Variants in ANTXR2 observed in about 807,000 individuals in gnomAD.
The protein encoded by ANTXR2 is anthrax toxin receptor 2.
A neutral mutation model predicts 73.7 loss-of-function variants in ANTXR2; 44 were observed. The ratio of observed to expected loss-of-function variants is 0.60; its 90% confidence interval spans 0.47 to 0.77. The LOEUF (loss-of-function observed/expected upper bound fraction) is 0.77. ANTXR2 is among the 30% of genes least tolerant of loss of function. The probability of loss-of-function intolerance (pLI) is 0.00; values close to 1 mark genes in which losing one functional copy is unlikely to be tolerated. For missense variants in ANTXR2, 604 were observed against 592.5 expected (o/e 1.02, Z -0.20); for synonymous variants, 217 against 205.9 (o/e 1.05, Z -0.46).
At chr4:79,954,588 A>T (rs1463403623) in intron 16 of ANTXR2, among the ~76,000 whole-genome samples, 1 of 152,166 alleles carries the variant, frequency 6.6e-6, no homozygotes, top group Admixed American at 6.5e-5. Flanking sequence ...ACTCCAGCCC[A>T]GATGAGAGCA....
rs1726824269 is a variant in ANTXR2 at position 79,904,311 on chromosome 4, A to AATC, written c.*3115_*3117dup. Reference sequence around the variant, plus strand: ...TAAGCAAACTACTTCTTTCTCTAACAATCTGAAATACATGGGGGTTTAAAC... The same window carrying AATC: ...TAAGCAAACTACTTCTTTCTCTAACAATCATCTGAAATACATGGGGGTTTAAAC... On this transcript the variant is annotated 3_prime_UTR_variant, in exon 17 of 17. Coordinates refer to ENST00000403729, the MANE Select transcript of ANTXR2 (RefSeq NM_058172.6). 6.6e-6 allele frequency: 1 copy of AATC among 152,148 alleles called. No individual in the cohort carries two copies. Among genetic ancestry groups the AATC allele is most frequent in the South Asian group, 2.1e-4 (1 of 4,838 alleles). The allele number at this position is 152,148 out of a possible 1,614,324, so 9.4% of individuals were successfully genotyped here. A position where few individuals can be genotyped will look rare whatever the true frequency, so the allele number is the denominator to read the frequency against.
chr4:80,014,381 A>G (rs189827814), intron 11 of ANTXR2, among the ~76,000 whole-genome samples: 4 of 152,004 alleles, frequency 2.6e-5, no homozygotes, highest in African/African-American at 9.7e-5. Context: ...ATCCTGGCCA[A>G]CGTGGTGAAA....
chr4:79,984,941 C>T, intron 12 of ANTXR2, 78 bp from the exon 13 acceptor site: 1 of 1,155,416 alleles, frequency 8.7e-7, no homozygotes, highest in Non-Finnish European at 1.2e-6. Context: ...TAATTTGATA[C>T]ATAAAATACT....
intron 11 of ANTXR2, among the ~76,000 whole-genome samples, chr4:80,014,770 C>T (rs542994662): frequency 3.9e-5 from 6 of 152,218 alleles, no homozygotes; most frequent in South Asian, 2.1e-4. Context: ...TCTGTAGAAG[C>T]GGAGAAACCT....
intron 8 of ANTXR2, among the ~76,000 whole-genome samples, chr4:80,034,785 C>T (rs780337959): frequency 2.4e-4 from 36 of 152,258 alleles, no homozygotes; most frequent in Non-Finnish European, 4.0e-4. Flanking sequence ...TCCTCTAAAA[C>T]TTCTCATATC....
intron 16 of ANTXR2, among the ~76,000 whole-genome samples, chr4:79,973,578 C>A (rs1729516626): frequency 6.6e-6 from 1 of 152,064 alleles, no homozygotes; most frequent in Non-Finnish European, 1.5e-5. Flanking sequence ...CAGGTGTGCC[C>A]CACCACGCCT....
Position 80,072,491 on chromosome 4 carries a change from G to A in ANTXR2, c.70C>T (p.Leu24Phe). 2 of 1,608,920 alleles carry A rather than the reference G, an allele frequency of 1.2e-6. No homozygotes were observed. Among genetic ancestry groups the A allele is most frequent in the Non-Finnish European group, 8.5e-7 (1 of 1,178,164 alleles). ...CGCAGCAGCCCCCCGGGACCGCTGAGCACCAACAGCCACAGCCCGGGGAAC... is the reference window on the plus strand; with the variant it reads ...CGCAGCAGCCCCCCGGGACCGCTGAACACCAACAGCCACAGCCCGGGGAAC... ...WLFPGLWLLVLSGPGGLLRAQ... is the reference protein window; with the variant it reads ...WLFPGLWLLVFSGPGGLLRAQ... The change falls in exon 1 of 17, where the codon CTC becomes TTC. Residue 24 changes from leucine (L) to phenylalanine (F), a missense_variant. Coordinates refer to ENST00000403729, the MANE Select transcript of ANTXR2 (RefSeq NM_058172.6).
chr4:80,065,612 A>G (rs903659158), intron 3 of ANTXR2, among the ~76,000 whole-genome samples: 2 of 152,238 alleles, frequency 1.3e-5, no homozygotes, highest in Non-Finnish European at 2.9e-5. Context: ...TATAAAATGC[A>G]TAACATCATT....
intron 16 of ANTXR2, among the ~76,000 whole-genome samples, chr4:79,921,155 T>C (rs2109944447): frequency 6.6e-6 from 1 of 152,256 alleles, no homozygotes; most frequent in South Asian, 2.1e-4. Context: ...TAGCAAAAAG[T>C]TTACATGCAA....
Position 79,977,829 on chromosome 4 carries a change from T to C in ANTXR2, c.1348-128A>G, listed in dbSNP as rs999065322. 4.8e-6 allele frequency: 6 copies of C among 1,242,886 alleles called. No homozygotes were observed. In the African/African-American group the frequency reaches 6.2e-5, roughly 13 times the overall value. 77.0% of individuals were successfully genotyped at this position (1,242,886 alleles called of 1,614,324 possible). A position where few individuals can be genotyped will look rare whatever the true frequency, so the allele number is the denominator to read the frequency against. ...TCATTTCTTTCATAAGGTAAACTAA[T>C]AAGTAATAAAAACCTAGAGGTTCTT... is the stretch of plus-strand genomic sequence containing the variant. On this transcript the variant is annotated intron_variant, in intron 15 of 16. Transcript: ENST00000403729.
intron 16 of ANTXR2, among the ~76,000 whole-genome samples, chr4:79,946,188 C>T (rs1019738268): frequency 1.3e-5 from 2 of 151,978 alleles, no homozygotes; most frequent in Non-Finnish European, 2.9e-5. Context: ...TGAAAATTTG[C>T]TTCAAGGCAC....
rs147055969 is a variant in ANTXR2 at position 79,987,163 on chromosome 4, T to A, written c.1042-2300A>T. On this transcript the variant is annotated intron_variant, in intron 12 of 16. Coordinates refer to ENST00000403729, the MANE Select transcript of ANTXR2 (RefSeq NM_058172.6). ...AATGTCTGAAATGACAGACACAGAA[T>A]CAGAATCTGGATGGCGGAGAAGCCC... Among the ~76,000 whole-genome samples the A allele has an allele frequency of 4.2e-4, 64 of 150,818 alleles. No homozygotes were observed. In the East Asian group the frequency reaches 0.011, roughly 27 times the overall value.
At chr4:80,035,719 G>A (rs949131449) in intron 8 of ANTXR2, among the ~76,000 whole-genome samples, 28 of 152,084 alleles carry the variant, frequency 1.8e-4, no homozygotes, top group South Asian at 4.2e-4. Flanking sequence ...GGTCTCAAGC[G>A]TGAACTAAAT....
At chr4:79,926,005 C>G (rs1727766545) in intron 16 of ANTXR2, among the ~76,000 whole-genome samples, 1 of 151,990 alleles carries the variant, frequency 6.6e-6, no homozygotes, top group Admixed American at 6.6e-5. Flanking sequence ...TGAGTGTATC[C>G]TTAAACAATG....
In ANTXR2 at chr4:80,072,473, G is replaced by GC. The variant is rs748892926; in HGVS notation, c.87dup (p.Leu30AlafsTer15). On this transcript the variant is annotated frameshift_variant, in exon 1 of 17. Coordinates refer to ENST00000403729, the MANE Select transcript of ANTXR2 (RefSeq NM_058172.6). LOFTEE classifies it high-confidence loss of function. ...GAGGGCTGCTCCTGGGCGCGCAGCA[G>GC]CCCCCCGGGACCGCTGAGCACCAAC... 10 of 1,610,340 alleles carry GC rather than the reference G, an allele frequency of 6.2e-6. No individual in the cohort carries two copies. Among genetic ancestry groups the GC allele is most frequent in the Admixed American group, 1.7e-5 (1 of 59,728 alleles).
chr4:79,931,695 G>T (rs1380765147), intron 16 of ANTXR2, among the ~76,000 whole-genome samples: 3 of 152,200 alleles, frequency 2.0e-5, no homozygotes, highest in Non-Finnish European at 4.4e-5. Flanking sequence ...AGCTGCAACT[G>T]TGAGAGCTCA....
intron 14 of ANTXR2, among the ~76,000 whole-genome samples, chr4:79,978,853 A>G (rs1729760372): frequency 6.6e-6 from 1 of 152,242 alleles, no homozygotes; most frequent in Admixed American, 6.5e-5. Flanking sequence ...GATTAAGGCA[A>G]AAAGTATGAT....
chr4:80,042,207 C>T (rs1455906849), intron 7 of ANTXR2, among the ~76,000 whole-genome samples: 1 of 152,046 alleles, frequency 6.6e-6, no homozygotes, highest in Non-Finnish European at 1.5e-5. Flanking sequence ...GAACAACAAG[C>T]TACCACAAGC....
intron 11 of ANTXR2, among the ~76,000 whole-genome samples, chr4:80,016,603 G>A (rs562332675): frequency 2.4e-4 from 36 of 152,260 alleles, no homozygotes; most frequent in Non-Finnish European, 3.8e-4. Context: ...CAGAACTCCA[G>A]ACTTGCATAT....
Sources: gnomAD v4.1 joint callset for allele counts (sites outside exome capture counted in the v4.1 genomes callset) on GRCh38, gnomAD v4.1.1 for gene constraint, MANE v1.5 for transcripts, NCBI Gene and HGNC (gene_info 2026-07-23, HGNC 2026-07-21) for gene names.